The following ARAP2 variants were observed in gnomAD, a reference collection of about 807,000 sequenced individuals.
ARAP2 encodes ArfGAP with RhoGAP domain, ankyrin repeat and PH domain 2.
A neutral mutation model predicts 194.5 loss-of-function variants in ARAP2; 148 were observed. The ratio of observed to expected loss-of-function variants is 0.76; its 90% CI spans 0.67 to 0.87. The LOEUF is 0.87. ARAP2 is among the 40% of genes least tolerant of loss of function. The pLI is 0.00. For synonymous variants in ARAP2, 695 were observed against 683.5 expected (o/e 1.02, Z -0.26); for missense variants, 2,128 against 1,989.7 (o/e 1.07, Z -1.32).
chr4:36,196,322 C>A (rs1252813242), intron 6 of ARAP2, among the ~76,000 whole-genome samples: 1 of 152,034 alleles, frequency 6.6e-6, no homozygotes, highest in African/African-American at 2.4e-5. Context: ...AGAGGGAGGG[C>A]CGATAGCTTA....
At chr4:36,040,806 C>T (rs751236084) in intron 5 of ARAP2, among the ~76,000 whole-genome samples, 3 of 152,138 alleles carry the variant, frequency 2.0e-5, no homozygotes, top group Non-Finnish European at 2.9e-5. Flanking sequence ...GACTTCCTCT[C>T]TTCTTATTTG....
chr4:36,042,352 T>C (rs75340688), intron 5 of ARAP2, among the ~76,000 whole-genome samples: 2,242 of 152,314 alleles, frequency 0.015, 71 homozygotes, highest in African/African-American at 0.051. Flanking sequence ...TCTCGCAGCA[T>C]TGGTAGTAAG....
intron 2 of ARAP2, among the ~76,000 whole-genome samples, chr4:36,052,579 T>C (rs1425992524): frequency 2.6e-5 from 4 of 152,240 alleles, no homozygotes; most frequent in Non-Finnish European, 5.9e-5. Flanking sequence ...TTATTTTCTT[T>C]CAAACACTTT....
intron 5 of ARAP2, among the ~76,000 whole-genome samples, chr4:36,035,437 T>A (rs1387955139): frequency 6.6e-6 from 1 of 152,184 alleles, no homozygotes; most frequent in Non-Finnish European, 1.5e-5. Flanking sequence ...TAATTGTATA[T>A]CTTCTGTTTT....
chr4:36,196,271 A>G (rs1431138727), intron 6 of ARAP2, among the ~76,000 whole-genome samples: 2 of 152,184 alleles, frequency 1.3e-5, no homozygotes, highest in African/African-American at 4.8e-5. Flanking sequence ...GGCATCATCC[A>G]GTTACTTAAT....
Position 36,167,453 on chromosome 4 carries a change from C to G in ARAP2, c.1858-406G>C, listed in dbSNP as rs73125375. 6.3e-3 allele frequency among the ~76,000 whole-genome samples: 955 copies of G among 152,184 alleles called. 13 individuals carry two copies. The highest frequency in any genetic ancestry group is 0.022 in the African/African-American group (910 of 41,538). On this transcript the variant is annotated intron_variant, in intron 9 of 32. Coordinates refer to ENST00000303965, the MANE Select transcript of ARAP2 (RefSeq NM_015230.4). ...CTAGTTATGTAAAAAGATGGGAAAA[C>G]TGAGGCACAAAGGAAGAAGGTTACA...
intron 31 of ARAP2, among the ~76,000 whole-genome samples, 164 bp downstream of exon 31, chr4:36,080,052 T>G (rs41282367): frequency 8.1e-4 from 124 of 152,328 alleles, no homozygotes; most frequent in Non-Finnish European, 1.4e-3. Flanking sequence ...ATTTGAACTT[T>G]AATATACTAT....
chr4:36,241,632 A>C (rs1170730099), intron 1 of ARAP2, among the ~76,000 whole-genome samples: 1 of 152,232 alleles, frequency 6.6e-6, no homozygotes, highest in African/African-American at 2.4e-5. Flanking sequence ...CAATCAGTTC[A>C]TTATTACTCA....
At chr4:36,137,975 A>T (rs1727246465) in intron 19 of ARAP2, among the ~76,000 whole-genome samples, 1 of 151,778 alleles carries the variant, frequency 6.6e-6, no homozygotes, top group Non-Finnish European at 1.5e-5. Context: ...AGCCACTCAT[A>T]ATAGAAGACC....
intron 1 of ARAP2, among the ~76,000 whole-genome samples, chr4:36,235,228 C>T (rs142299837): frequency 1.3e-5 from 2 of 152,300 alleles, no homozygotes; most frequent in East Asian, 1.9e-4. Context: ...ACAGTAGATT[C>T]TCTCACTACA....
intron 6 of ARAP2, 133 bp downstream of exon 6, chr4:36,210,257 C>T: frequency 3.9e-6 from 3 of 770,766 alleles, no homozygotes; most frequent in Non-Finnish European, 6.0e-6. Context: ...CTGAAAGTCC[C>T]TAAAAATGGC....
chr4:36,169,993 A>C (rs1736237730), intron 9 of ARAP2, among the ~76,000 whole-genome samples: 1 of 152,202 alleles, frequency 6.6e-6, no homozygotes, highest in African/African-American at 2.4e-5. Context: ...CTATTAAAAA[A>C]CTGTGGACAT....
At chr4:36,023,922 G>C (rs1307030520) in intron 5 of ARAP2, among the ~76,000 whole-genome samples, 3 of 151,566 alleles carry the variant, frequency 2.0e-5, no homozygotes, top group Non-Finnish European at 2.9e-5. Context: ...TTTTGTTCTT[G>C]CGATAGTTTA....
At chr4:36,128,504 A>ACACACACACACACACAAC in intron 21 of ARAP2, 29 bp downstream of exon 21, 9 of 1,532,594 alleles carry the variant, frequency 5.9e-6, no homozygotes, top group South Asian at 1.1e-5. Context: ...ACACACACAC[A>ACACACACACACACACAAC]TATCTACAAA....
intron 9 of ARAP2, among the ~76,000 whole-genome samples, chr4:36,174,992 GA>G (rs1737538101): frequency 6.6e-6 from 1 of 152,256 alleles, no homozygotes; most frequent in South Asian, 2.1e-4. Flanking sequence ...TTAGAGGCAA[GA>G]AAAATAAAAA....
intron 22 of ARAP2, among the ~76,000 whole-genome samples, chr4:36,123,019 T>C (rs1274587896): frequency 1.3e-5 from 2 of 151,770 alleles, no homozygotes; most frequent in Admixed American, 6.6e-5. Context: ...AAATACCAAA[T>C]TGCATAGCAG....
chr4:36,128,421 C>G, intron 21 of ARAP2, 112 bp downstream of exon 21: 1 of 771,690 alleles, frequency 1.3e-6, no homozygotes, highest in Non-Finnish European at 2.0e-6. Context: ...TTCAGCTTAT[C>G]AAAGATGTTT....
intron 19 of ARAP2, 111 bp downstream of exon 19, chr4:36,147,185 A>C: frequency 1.1e-6 from 1 of 927,358 alleles, no homozygotes; most frequent in Admixed American, 2.3e-5. Context: ...TGATTCAGAA[A>C]ATTTCAACAG....
chr4:36,030,797 GTTTT>G, intron 5 of ARAP2, among the ~76,000 whole-genome samples: 1 of 16,078 alleles, frequency 6.2e-5, no homozygotes, highest in Admixed American at 1.0e-3. Flanking sequence ...CATTGTCTAC[GTTTT>G]TTTTTTTTTT....
Sources: allele counts gnomAD v4.1 joint callset (sites outside exome capture counted in the v4.1 genomes callset), GRCh38; gene constraint gnomAD v4.1.1; transcripts MANE v1.5; gene names NCBI Gene and HGNC (gene_info 2026-07-23, HGNC 2026-07-21).